Variants in ARHGAP12 observed in about 807,000 individuals in gnomAD.
ARHGAP12 encodes Rho GTPase activating protein 12.
A neutral mutation model predicts 108.6 loss-of-function variants in ARHGAP12; 64 were observed. That is an observed-to-expected ratio of 0.59 (90% CI 0.48 to 0.73). The LOEUF (loss-of-function observed/expected upper bound fraction) is 0.73. Among genes scored for constraint, ARHGAP12 ranks in the 30% least tolerant of loss-of-function variants. The pLI, the probability that ARHGAP12 is intolerant of heterozygous loss-of-function variation, is 0.00. For synonymous variants in ARHGAP12, 312 were observed against 337.2 expected (o/e 0.93, Z 0.82); for missense variants, 940 against 1,005.9 (o/e 0.93, Z 0.89).
chr10:31,826,178 T>G (rs1835598553), intron 11 of ARHGAP12, 126 bp downstream of exon 11: 2 of 636,270 alleles, frequency 3.1e-6, no homozygotes, highest in Admixed American at 6.8e-5. Context: ...TAAGAAGATT[T>G]TATTCATTTT....
intron 13 of ARHGAP12, 74 bp from the exon 14 acceptor site, chr10:31,814,435 A>T: frequency 2.5e-6 from 3 of 1,211,418 alleles, no homozygotes; most frequent in Non-Finnish European, 3.6e-6. Context: ...TAATTCTCAC[A>T]ATGACTATTG....
At chr10:31,925,865 C>T (rs994947772) in intron 1 of ARHGAP12, among the ~76,000 whole-genome samples, 1 of 152,116 alleles carries the variant, frequency 6.6e-6, no homozygotes, top group Non-Finnish European at 1.5e-5. Flanking sequence ...AAACCTGGTC[C>T]AATGTAAAGA....
chr10:31,908,938 A>C lies in ARHGAP12; in HGVS notation c.-71-12T>G, dbSNP rs569589162. ...TTGGATGAATATAGCTGTTTTATTT[A>C]AATGGAGAAAGAGAATGAAGAAAAA... On this transcript the variant is annotated splice_polypyrimidine_tract_variant and intron_variant, in intron 2 of 19. Coordinates refer to ENST00000344936, the MANE Select transcript of ARHGAP12 (RefSeq NM_018287.7). 1 of 1,296,040 alleles carries C rather than the reference A, an allele frequency of 7.7e-7. No individual in the cohort carries two copies. Among genetic ancestry groups the C allele is most frequent in the African/African-American group, 1.5e-5 (1 of 67,546 alleles). 80.3% of individuals were successfully genotyped at this position (1,296,040 alleles called of 1,614,324 possible).
At chr10:31,919,409 G>A (rs554449366) in intron 1 of ARHGAP12, among the ~76,000 whole-genome samples, 1 of 152,292 alleles carries the variant, frequency 6.6e-6, no homozygotes, top group South Asian at 2.1e-4. Context: ...TAAAGACACT[G>A]TAGTATACAA....
Position 31,852,614 on chromosome 10 carries a change from G to C in ARHGAP12, c.1090-17C>G, listed in dbSNP as rs1273402225. ...CTTGAGCCACTATAAAAACAGAACA[G>C]GTGTTTTTTATTAAATTTAAATAAA... On this transcript the variant is annotated splice_polypyrimidine_tract_variant and intron_variant, in intron 5 of 19. Transcript: ENST00000344936. 2.6e-6 allele frequency: 4 copies of C among 1,566,930 alleles called. No individual in the cohort carries two copies. Among genetic ancestry groups the C allele is most frequent in the Non-Finnish European group, 3.5e-6 (4 of 1,139,230 alleles).
chr10:31,872,729 A>G (rs1033607007), intron 3 of ARHGAP12, among the ~76,000 whole-genome samples: 9 of 152,176 alleles, frequency 5.9e-5, no homozygotes, highest in African/African-American at 2.2e-4. Context: ...AACATCAATG[A>G]AAATTTCATT....
chr10:31,874,600 A>G (rs1837655157), intron 3 of ARHGAP12, among the ~76,000 whole-genome samples: 1 of 152,216 alleles, frequency 6.6e-6, no homozygotes, highest in African/African-American at 2.4e-5. Flanking sequence ...GGCAAGAAAT[A>G]CCTAAGCCCT....
Position 31,921,763 on chromosome 10 carries a change from C to CAAAAAA in ARHGAP12, c.-111+6914_-111+6919dup, listed in dbSNP as rs57420280. Among the ~76,000 whole-genome samples the CAAAAAA allele has an allele frequency of 2.7e-3, 102 of 37,928 alleles. 10 individuals carry two copies. Among genetic ancestry groups the CAAAAAA allele is most frequent in the African/African-American group, 8.0e-3 (94 of 11,764 alleles). The allele number at this position is 37,928 out of a possible 152,430, so 24.9% of individuals were successfully genotyped here. A position where few individuals can be genotyped will look rare whatever the true frequency, so the allele number is the denominator to read the frequency against. On this transcript the variant is annotated intron_variant, in intron 1 of 19. Transcript: ENST00000344936. ...TGGGTGACAGAGCAAGGCTCCATCT[C>CAAAAAA]AAAAAAAAAAAAAAAAAAAAAAAAA...
At chr10:31,830,970 T>G (rs947703246) in intron 10 of ARHGAP12, among the ~76,000 whole-genome samples, 3 of 152,236 alleles carry the variant, frequency 2.0e-5, no homozygotes, top group African/African-American at 7.2e-5. Context: ...ACAGTGCAAT[T>G]TGGAACACTG....
intron 1 of ARHGAP12, among the ~76,000 whole-genome samples, chr10:31,916,005 T>C (rs1054326356): frequency 6.6e-6 from 1 of 152,200 alleles, no homozygotes; most frequent in Non-Finnish European, 1.5e-5. Flanking sequence ...ACCTGTAGAT[T>C]CTGTTCTTAA....
chr10:31,920,513 A>ACTATTACC (rs1488213487), intron 1 of ARHGAP12, among the ~76,000 whole-genome samples: 8 of 151,718 alleles, frequency 5.3e-5, no homozygotes, highest in Admixed American at 5.3e-4. Flanking sequence ...CAAATGATGA[A>ACTATTACC]CTATTACCAA....
intron 1 of ARHGAP12, among the ~76,000 whole-genome samples, chr10:31,916,043 TTC>T (rs1839542687): frequency 6.6e-6 from 1 of 152,180 alleles, no homozygotes; most frequent in South Asian, 2.1e-4. Context: ...TTTATCCTGT[TTC>T]TATAAAGTAT....
rs143564246 is a variant in ARHGAP12 at position 31,808,681 on chromosome 10, G to A, written c.2334C>T (p.Asp778=). The part of the protein sequence containing the change: ...LIRQLPKPNQ[D]TMQILFRHLR... Reference sequence around the variant, plus strand: ...GATGTCGGAAAAGAATCTGCATTGTGTCTTGGTTTGGCTTTGGCAACTGTC... The same window carrying A: ...GATGTCGGAAAAGAATCTGCATTGTATCTTGGTTTGGCTTTGGCAACTGTC... Residue 778 remains aspartate, a synonymous_variant, in exon 19 of 20, where the codon GAC becomes GAT. Transcript: ENST00000344936. 4.3e-4 allele frequency: 688 copies of A among 1,613,620 alleles called. 2 individuals carry two copies. Among genetic ancestry groups the A allele is most frequent in the Middle Eastern group, 3.8e-3 (23 of 6,058 alleles).
At chr10:31,882,203 A>G (rs1247800038) in intron 3 of ARHGAP12, among the ~76,000 whole-genome samples, 2 of 152,192 alleles carry the variant, frequency 1.3e-5, no homozygotes, top group African/African-American at 4.8e-5. Flanking sequence ...TATCAGATGA[A>G]AATAAACTAA....
intron 9 of ARHGAP12, among the ~76,000 whole-genome samples, chr10:31,838,567 T>C (rs1016808469): frequency 6.6e-6 from 1 of 151,682 alleles, no homozygotes; most frequent in Admixed American, 6.6e-5. Context: ...CAGTGGCTCA[T>C]GCCTGTAATC....
intron 1 of ARHGAP12, among the ~76,000 whole-genome samples, chr10:31,914,339 CTGTT>C (rs1045019004): frequency 2.0e-5 from 3 of 151,874 alleles, no homozygotes; most frequent in African/African-American, 7.3e-5. Context: ...TATAAAATGA[CTGTT>C]TTATATGGTG....
At chr10:31,845,555 TG>T (rs1159424480) in intron 6 of ARHGAP12, among the ~76,000 whole-genome samples, 1 of 152,082 alleles carries the variant, frequency 6.6e-6, no homozygotes, top group East Asian at 1.9e-4. Flanking sequence ...GAGGCTGAGA[TG>T]GGTGGATCAC....
chr10:31,814,075 A>C (rs892811295), intron 14 of ARHGAP12, among the ~76,000 whole-genome samples, 184 bp downstream of exon 14: 1 of 152,200 alleles, frequency 6.6e-6, no homozygotes, highest in Non-Finnish European at 1.5e-5. Flanking sequence ...ATGAGGCTGA[A>C]AAACGACAAT....
chr10:31,883,379 CTAAA>C (rs967106217), intron 3 of ARHGAP12, among the ~76,000 whole-genome samples: 2 of 152,316 alleles, frequency 1.3e-5, no homozygotes, highest in East Asian at 1.9e-4. Context: ...GTTCAACTAA[CTAAA>C]TAGATAAAAG....
Sources: allele counts gnomAD v4.1 joint callset (sites outside exome capture counted in the v4.1 genomes callset), GRCh38; gene constraint gnomAD v4.1.1; transcripts MANE v1.5; gene names NCBI Gene and HGNC (gene_info 2026-07-23, HGNC 2026-07-21).